Variants in CUBN observed in about 807,000 individuals in gnomAD.
CUBN encodes the protein 460 kDa receptor.
In CUBN, 282 loss-of-function variants were observed where a neutral mutation model predicts 405.3. The observed-to-expected ratio is 0.70, with a 90% CI of 0.63 to 0.77. CUBN has a LOEUF of 0.77. Ranked by LOEUF, CUBN falls within the 30% of genes least tolerant of loss-of-function variation. The pLI is 0.00. For missense variants in CUBN, 4,514 were observed against 4,475.2 expected (o/e 1.01, Z -0.25); for synonymous variants, 1,684 against 1,617.0 (o/e 1.04, Z -0.99).
intron 22 of CUBN, among the ~76,000 whole-genome samples, chr10:17,048,172 T>C (rs1364052527): frequency 6.6e-6 from 1 of 152,240 alleles, no homozygotes; most frequent in African/African-American, 2.4e-5. Flanking sequence ...TGAAGAGGAT[T>C]GCTACCTTTG....
chr10:16,957,635 T>A (rs1843103527), intron 31 of CUBN, among the ~76,000 whole-genome samples: 1 of 152,182 alleles, frequency 6.6e-6, no homozygotes. Context: ...GATGGGAATG[T>A]AAATTGATAC....
chr10:17,111,102 G>T, intron 8 of CUBN, 52 bp from the exon 9 acceptor site: 1 of 1,598,858 alleles, frequency 6.3e-7, no homozygotes, highest in South Asian at 1.1e-5. Flanking sequence ...AGTCAACAAG[G>T]AAGAAATACA....
chr10:17,116,398 C>A (rs1836900182), intron 6 of CUBN, among the ~76,000 whole-genome samples: 1 of 152,156 alleles, frequency 6.6e-6, no homozygotes, highest in South Asian at 2.1e-4. Context: ...GTCCCAGAAG[C>A]CTAAGCCTAT....
intron 22 of CUBN, among the ~76,000 whole-genome samples, chr10:17,062,011 AT>A (rs2131838523): frequency 6.6e-6 from 1 of 152,246 alleles, no homozygotes; most frequent in African/African-American, 2.4e-5. Flanking sequence ...ACTGGAATAG[AT>A]TTGTGCTTCA....
intron 66 of CUBN, 105 bp downstream of exon 66, chr10:16,828,700 T>G (rs1414041234): frequency 1.1e-6 from 1 of 900,820 alleles, no homozygotes; most frequent in Admixed American, 2.0e-5. Flanking sequence ...CCAGCCTGGG[T>G]GACAAGAGCG....
At chr10:16,995,173 G>A (rs1833697357) in intron 28 of CUBN, among the ~76,000 whole-genome samples, 1 of 152,200 alleles carries the variant, frequency 6.6e-6, no homozygotes, top group East Asian at 1.9e-4. Context: ...TAGACACAGT[G>A]GCTCTTTGTC....
At chr10:17,109,088 G>A (rs554804519) in intron 10 of CUBN, among the ~76,000 whole-genome samples, 2 of 152,276 alleles carry the variant, frequency 1.3e-5, no homozygotes, top group African/African-American at 4.8e-5. Context: ...CACTGTCGGT[G>A]AATACATAAA....
At chr10:17,018,429 T>A (rs761905334) in intron 28 of CUBN, among the ~76,000 whole-genome samples, 17 of 152,022 alleles carry the variant, frequency 1.1e-4, no homozygotes, top group Non-Finnish European at 1.8e-4. Flanking sequence ...GTTCAGATGT[T>A]CAGATGCGTC....
intron 17 of CUBN, among the ~76,000 whole-genome samples, chr10:17,083,572 A>G (rs1195509986): frequency 9.7e-6 from 1 of 103,544 alleles, no homozygotes; most frequent in Non-Finnish European, 2.0e-5. Context: ...TGGTCAATGC[A>G]CTTCAACTAA....
intron 31 of CUBN, among the ~76,000 whole-genome samples, chr10:16,975,110 T>G (rs1197025765): frequency 6.6e-6 from 1 of 152,196 alleles, no homozygotes; most frequent in Non-Finnish European, 1.5e-5. Flanking sequence ...CCAGCATTGT[T>G]CAAGAGTCAA....
Position 17,084,013 on chromosome 10 carries a change from C to A in CUBN, c.2301+258G>T, listed in dbSNP as rs375485305. ...CACTTGACTAGCTGGGTCATCTGGG[C>A]AAATCCCTTCACTTCCCTGGGTTGA... On this transcript the variant is annotated intron_variant, in intron 17 of 66. Coordinates refer to ENST00000377833, the MANE Select transcript of CUBN (RefSeq NM_001081.4). 6.6e-5 allele frequency among the ~76,000 whole-genome samples: 10 copies of A among 152,272 alleles called. 1 individual carries two copies. The East Asian group carries it at 1.9e-3, about 29-fold the overall frequency.
intron 64 of CUBN, among the ~76,000 whole-genome samples, chr10:16,832,061 G>T (rs1238392184): frequency 6.6e-6 from 1 of 152,042 alleles, no homozygotes; most frequent in African/African-American, 2.4e-5. Context: ...ACTCATTTTT[G>T]AGTAGACACA....
chr10:16,840,748 G>A (rs1024771671), intron 61 of CUBN, 137 bp downstream of exon 61: 1 of 872,252 alleles, frequency 1.1e-6, no homozygotes, highest in South Asian at 1.4e-5. Flanking sequence ...TTTAGCAATT[G>A]ACATTGAGTT....
At chr10:17,116,213 C>CACTATGT (rs1836895222) in intron 6 of CUBN, among the ~76,000 whole-genome samples, 1 of 152,160 alleles carries the variant, frequency 6.6e-6, no homozygotes, top group Admixed American at 6.5e-5. Flanking sequence ...TTACACTATG[C>CACTATGT]GTAAGCTAGC....
chr10:17,023,181 A>G (rs1242155472), intron 27 of CUBN, among the ~76,000 whole-genome samples: 3 of 136,976 alleles, frequency 2.2e-5, no homozygotes, highest in African/African-American at 7.9e-5. Flanking sequence ...TTAATAACAC[A>G]TTGTAAAAGT....
intron 29 of CUBN, among the ~76,000 whole-genome samples, chr10:16,984,498 C>G (rs1293750186): frequency 1.3e-5 from 2 of 152,096 alleles, no homozygotes; most frequent in Admixed American, 6.5e-5. Flanking sequence ...CATAAAATGC[C>G]TGCTTGTTTC....
intron 39 of CUBN, among the ~76,000 whole-genome samples, chr10:16,933,973 T>C (rs1427562381): frequency 6.6e-6 from 1 of 152,188 alleles, no homozygotes; most frequent in Non-Finnish European, 1.5e-5. Context: ...CCAGGTCCTG[T>C]GAAGACAAGA....
chr10:16,981,260 A>G (rs1433268930), intron 31 of CUBN, among the ~76,000 whole-genome samples: 1 of 151,988 alleles, frequency 6.6e-6, no homozygotes, highest in East Asian at 1.9e-4. Context: ...ATCGGAGACT[A>G]TGGTCAGAGA....
chr10:16,860,158 C>T (rs1416948745), intron 59 of CUBN, among the ~76,000 whole-genome samples: 2 of 151,862 alleles, frequency 1.3e-5, no homozygotes, highest in Admixed American at 6.6e-5. Flanking sequence ...AAACAAAACA[C>T]AAATAGTACA....
Sources: gnomAD v4.1 joint callset for allele counts (sites outside exome capture counted in the v4.1 genomes callset) on GRCh38, gnomAD v4.1.1 for gene constraint, MANE v1.5 for transcripts, NCBI Gene and HGNC (gene_info 2026-07-23, HGNC 2026-07-21) for gene names.